Variants in NELL1 observed in about 807,000 individuals in gnomAD.
NELL1 encodes protein kinase C-binding protein NELL1.
NELL1 carries 76 observed loss-of-function variants against 107.4 expected under a neutral mutation model. The ratio of observed to expected loss-of-function variants is 0.71; its 90% CI spans 0.59 to 0.86. The LOEUF (loss-of-function observed/expected upper bound fraction) is 0.86, where lower values mean the gene tolerates loss of function less well. Among genes scored for constraint, NELL1 ranks in the 40% least tolerant of loss-of-function variants. NELL1 has a pLI of 0.00. For synonymous variants in NELL1, 353 were observed against 341.2 expected, an observed-to-expected ratio of 1.03 and a Z score of -0.38; for missense variants, 1,024 against 1,005.5, an observed-to-expected ratio of 1.02 and a Z score of -0.25.
intron 5 of NELL1, among the ~76,000 whole-genome samples, chr11:20,893,447 G>A (rs537301243): frequency 2.0e-5 from 3 of 151,600 alleles, no homozygotes; most frequent in East Asian, 1.9e-4. Context: ...GTTAGTAAAG[G>A]TGATCTGATT....
chr11:21,470,479 A>G (rs564089893), intron 15 of NELL1, among the ~76,000 whole-genome samples: 1 of 152,208 alleles, frequency 6.6e-6, no homozygotes, highest in Admixed American at 6.6e-5. Flanking sequence ...AATGCCTGAT[A>G]TGTACATGTT....
rs189098746 is a variant in NELL1, at chr11:21,430,619, T to C, written c.1645+59671T>C. On this transcript the variant is annotated intron_variant, in intron 15 of 19. Coordinates refer to ENST00000357134, the MANE Select transcript of NELL1 (RefSeq NM_006157.5). The stretch of plus-strand genomic sequence containing the variant: ...GCATTTAATCCCCTCAAATAGAATC[T>C]TGGCCTTCTGAGATGTAGTGCAGGG... 4.6e-5 allele frequency among the ~76,000 whole-genome samples: 7 copies of C among 152,304 alleles called. No individual in the cohort carries two copies. In the East Asian group the frequency reaches 1.2e-3, roughly 25 times the overall value.
intron 14 of NELL1, among the ~76,000 whole-genome samples, chr11:21,343,446 G>A (rs993265811): frequency 1.3e-5 from 2 of 151,704 alleles, no homozygotes; most frequent in African/African-American, 4.8e-5. Context: ...ACTTCCTCTT[G>A]GCAGCCTTTG....
intron 12 of NELL1, among the ~76,000 whole-genome samples, chr11:21,082,510 C>T (rs555167905): frequency 2.0e-5 from 3 of 152,266 alleles, no homozygotes; most frequent in African/African-American, 4.8e-5. Context: ...AGTTCTTTCT[C>T]TCCAATCCAT....
chr11:20,988,357 C>A (rs530197220), intron 12 of NELL1, among the ~76,000 whole-genome samples: 41 of 151,246 alleles, frequency 2.7e-4, no homozygotes, highest in Admixed American at 9.3e-4. Flanking sequence ...ATATACATAT[C>A]TCTATATATA....
At chr11:20,781,296 AC>A (rs1856845442) in intron 2 of NELL1, among the ~76,000 whole-genome samples, 1 of 152,148 alleles carries the variant, frequency 6.6e-6, no homozygotes, top group Non-Finnish European at 1.5e-5. Flanking sequence ...TAAGACTGGG[AC>A]CTTTGTGAGA....
chr11:21,039,747 A>G (rs1174754991), intron 12 of NELL1, among the ~76,000 whole-genome samples: 1 of 152,174 alleles, frequency 6.6e-6, no homozygotes. Flanking sequence ...GAACTAACAG[A>G]GAGAAAAATT....
At chr11:21,081,274 T>G (rs1854262750) in intron 12 of NELL1, among the ~76,000 whole-genome samples, 1 of 152,182 alleles carries the variant, frequency 6.6e-6, no homozygotes, top group Non-Finnish European at 1.5e-5. Flanking sequence ...TTCTATTGTT[T>G]CCCTTGCCAC....
At chr11:21,029,974 A>G (rs1015941135) in intron 12 of NELL1, among the ~76,000 whole-genome samples, 1 of 152,214 alleles carries the variant, frequency 6.6e-6, no homozygotes, top group Non-Finnish European at 1.5e-5. Flanking sequence ...AGACCTCTAG[A>G]GTGACCTGCT....
At chr11:21,134,774 G>A (rs970560551) in intron 13 of NELL1, among the ~76,000 whole-genome samples, 8 of 152,274 alleles carry the variant, frequency 5.3e-5, no homozygotes, top group South Asian at 2.1e-4. Context: ...TAAATAGAGC[G>A]TGCTTTGAAA....
At chr11:20,695,050 C>T (rs868442202) in intron 2 of NELL1, among the ~76,000 whole-genome samples, 6 of 151,626 alleles carry the variant, frequency 4.0e-5, no homozygotes, top group South Asian at 2.1e-4. Context: ...TTTTTTTGTG[C>T]ATATATTATA....
At chr11:21,496,945 AG>A (rs1263688289) in intron 15 of NELL1, among the ~76,000 whole-genome samples, 1 of 152,044 alleles carries the variant, frequency 6.6e-6, no homozygotes, top group Non-Finnish European at 1.5e-5. Flanking sequence ...GTCCCTACAA[AG>A]GACATGAACT....
chr11:21,387,944 A>T, intron 15 of NELL1, among the ~76,000 whole-genome samples: 1 of 151,994 alleles, frequency 6.6e-6, no homozygotes, highest in Non-Finnish European at 1.5e-5. Context: ...AATGAGGATT[A>T]TATTACTGTC....
intron 2 of NELL1, among the ~76,000 whole-genome samples, chr11:20,721,234 T>TTA (rs140608526): frequency 0.079 from 10,923 of 137,696 alleles, 959 homozygotes; most frequent in African/African-American, 0.22. Flanking sequence ...TATATTTTGT[T>TTA]TATATATATA....
chr11:20,712,201 C>A (rs980850595), intron 2 of NELL1, among the ~76,000 whole-genome samples: 3 of 152,024 alleles, frequency 2.0e-5, no homozygotes, highest in Non-Finnish European at 2.9e-5. Context: ...AAAGCCTTGT[C>A]TTTGAGCTCT....
At chr11:21,237,768 A>G (rs1034163371) in intron 14 of NELL1, among the ~76,000 whole-genome samples, 1 of 152,018 alleles carries the variant, frequency 6.6e-6, no homozygotes, top group Non-Finnish European at 1.5e-5. Flanking sequence ...TTTATTTCAG[A>G]GATCCTTATA....
chr11:21,322,254 C>A (rs748422433), intron 14 of NELL1, among the ~76,000 whole-genome samples: 40 of 152,162 alleles, frequency 2.6e-4, no homozygotes, highest in Non-Finnish European at 5.1e-4. Context: ...TCTTGGGCCC[C>A]TTGTCATTTG....
chr11:21,510,484 C>T (rs1855408138), intron 15 of NELL1, among the ~76,000 whole-genome samples: 1 of 152,032 alleles, frequency 6.6e-6, no homozygotes, highest in East Asian at 1.9e-4. Flanking sequence ...ATGCATTCTC[C>T]GGTTGGGCTG....
chr11:21,146,942 G>A (rs930306065), intron 13 of NELL1, among the ~76,000 whole-genome samples: 1 of 152,140 alleles, frequency 6.6e-6, no homozygotes, highest in Non-Finnish European at 1.5e-5. Flanking sequence ...CACTTGGGAG[G>A]CTGAGACAGG....
Sources: allele counts gnomAD v4.1 joint callset (sites outside exome capture counted in the v4.1 genomes callset), GRCh38; gene constraint gnomAD v4.1.1; transcripts MANE v1.5; gene names NCBI Gene and HGNC (gene_info 2026-07-23, HGNC 2026-07-21).